The following RGS6 variants were observed in gnomAD, a reference collection of about 807,000 sequenced individuals.
RGS6 encodes regulator of G-protein signaling 6.
A neutral mutation model predicts 78.5 loss-of-function variants in RGS6; 30 were observed. The observed-to-expected ratio is 0.38, with a 90% CI of 0.29 to 0.52. The LOEUF is 0.52. RGS6 is among the 20% of genes least tolerant of loss of function. The pLI, the probability that RGS6 is intolerant of heterozygous loss-of-function variation, is 0.85. For synonymous variants in RGS6, 206 were observed against 206.0 expected, an observed-to-expected ratio of 1.00 and a Z score of 0.00; for missense variants, 495 against 609.7, an observed-to-expected ratio of 0.81 and a Z score of 1.98.
chr14:72,032,941 T>C (rs543900375), intron 2 of RGS6, among the ~76,000 whole-genome samples: 2 of 152,318 alleles, frequency 1.3e-5, no homozygotes, highest in African/African-American at 4.8e-5. Context: ...TCTTCATGAT[T>C]CTATTTTTGA....
At chr14:72,482,808 T>C (rs1012790663) in intron 12 of RGS6, among the ~76,000 whole-genome samples, 1 of 152,330 alleles carries the variant, frequency 6.6e-6, no homozygotes, top group South Asian at 2.1e-4. Context: ...AACAAGTCAC[T>C]AAGCTGGACT....
At chr14:71,952,904 C>T (rs2092459810) in intron 1 of RGS6, among the ~76,000 whole-genome samples, 1 of 152,260 alleles carries the variant, frequency 6.6e-6, no homozygotes, top group African/African-American at 2.4e-5. Flanking sequence ...TGCTTTTCTT[C>T]TTAGGTCCCC....
intron 2 of RGS6, among the ~76,000 whole-genome samples, chr14:72,021,936 C>T (rs377756005): frequency 6.7e-6 from 1 of 148,862 alleles, no homozygotes; most frequent in South Asian, 2.1e-4. Flanking sequence ...CTGCCACCCC[C>T]ACCCTCAAGT....
the RGS6 span, among the ~76,000 whole-genome samples, chr14:71,925,478 C>G: frequency 2.0e-5 from 3 of 152,124 alleles, no homozygotes; most frequent in African/African-American, 7.2e-5. Context: ...ACTTATCGCT[C>G]AGGCCAATGT....
chr14:72,419,859 A>C (rs115555953), intron 3 of RGS6, among the ~76,000 whole-genome samples: 96 of 152,322 alleles, frequency 6.3e-4, no homozygotes, highest in African/African-American at 2.3e-3. Context: ...GTAGGAATTT[A>C]AAAACATAGA....
intron 2 of RGS6, among the ~76,000 whole-genome samples, chr14:72,045,000 A>G (rs1006261697): frequency 4.6e-5 from 7 of 152,212 alleles, no homozygotes; most frequent in African/African-American, 1.7e-4. Context: ...TGAGAGTTAC[A>G]TTGTTGGCTC....
chr14:72,127,331 G>C (rs1232745275), intron 2 of RGS6, among the ~76,000 whole-genome samples: 2 of 152,188 alleles, frequency 1.3e-5, no homozygotes, highest in Non-Finnish European at 2.9e-5. Flanking sequence ...ATGTAAAGGA[G>C]CACTTTGTTT....
rs374016351 is a variant in RGS6, at chr14:72,397,226, T to G, written c.184+45032T>G. On this transcript the variant is annotated intron_variant, in intron 3 of 17. Coordinates refer to ENST00000553525, the MANE Select transcript of RGS6 (RefSeq NM_001204424.2). ...CATTTGTATCCTCTTTTATTTCATTTAGTAGTGGTTTGTAGTTCTCCTTGG... is the reference window on the plus strand; with the variant it reads ...CATTTGTATCCTCTTTTATTTCATTGAGTAGTGGTTTGTAGTTCTCCTTGG... Among the ~76,000 whole-genome samples the G allele has an allele frequency of 3.3e-4, 51 of 152,322 alleles. No homozygotes were observed. The East Asian group carries it at 6.6e-3, about 20-fold the overall frequency.
At chr14:72,463,249 G>A (rs908496055) in intron 6 of RGS6, among the ~76,000 whole-genome samples, 2 of 152,198 alleles carry the variant, frequency 1.3e-5, no homozygotes, top group African/African-American at 2.4e-5. Flanking sequence ...ACCAATATCT[G>A]AGCTTAAGAC....
Position 72,550,542 on chromosome 14 carries a change from A to G in RGS6, c.1422+10448A>G, listed in dbSNP as rs1241490763. The G allele has an allele frequency of 3.9e-6, 6 of 1,535,596 alleles. No homozygotes were observed. The Admixed American group carries it at 9.8e-5, about 25-fold the overall frequency. ...GGGAAATGGAGATGGAGCATCCAAG[A>G]CAACACTTAACCCAACCTTGTAATC... On this transcript the variant is annotated intron_variant, in intron 17 of 17. Transcript: ENST00000553525.
In RGS6 at chr14:71,942,465, A is replaced by T. The variant is rs796769401; in HGVS notation, c.-21+9524A>T. Among the ~76,000 whole-genome samples the T allele has an allele frequency of 2.0e-5, 3 of 151,990 alleles. No homozygotes were observed. The South Asian group carries it at 6.3e-4, about 32-fold the overall frequency. On this transcript the variant is annotated intron_variant, in intron 1 of 17. Coordinates refer to ENST00000553525, the MANE Select transcript of RGS6 (RefSeq NM_001204424.2). ...CCCCCATCCCTCCCACCAAGAAAAA[A>T]GGCTCATTAGAACTCTACCACCATT...
At chr14:72,248,190 T>A (rs1317461268) in intron 2 of RGS6, among the ~76,000 whole-genome samples, 1 of 152,192 alleles carries the variant, frequency 6.6e-6, no homozygotes, top group East Asian at 1.9e-4. Context: ...ATTATTTGCC[T>A]TTTTCTCTCT....
chr14:72,002,355 CT>C (rs1267068319), intron 2 of RGS6, among the ~76,000 whole-genome samples: 1 of 152,178 alleles, frequency 6.6e-6, no homozygotes, highest in Admixed American at 6.5e-5. Context: ...GATTTTCCAG[CT>C]GCAGATTTAT....
intron 2 of RGS6, among the ~76,000 whole-genome samples, chr14:72,041,048 C>T (rs569685504): frequency 3.5e-4 from 53 of 152,220 alleles, no homozygotes; most frequent in African/African-American, 1.2e-3. Context: ...TATTTTGAAT[C>T]CTTTGTCAGG....
intron 11 of RGS6, 60 bp downstream of exon 11, chr14:72,476,900 C>A: frequency 7.0e-7 from 1 of 1,421,864 alleles, no homozygotes; most frequent in Non-Finnish European, 9.9e-7. Context: ...AAAACCCTTT[C>A]AAATGTTCAA....
At chr14:72,006,372 A>C (rs2084559497) in intron 2 of RGS6, among the ~76,000 whole-genome samples, 1 of 152,188 alleles carries the variant, frequency 6.6e-6, no homozygotes. Context: ...CCCCTGACAA[A>C]TAGATGATGA....
chr14:72,145,537 G>A (rs1451239444), intron 2 of RGS6, among the ~76,000 whole-genome samples: 1 of 152,192 alleles, frequency 6.6e-6, no homozygotes, highest in African/African-American at 2.4e-5. Context: ...GGAGCGTACT[G>A]GTTCCATCTC....
intron 2 of RGS6, among the ~76,000 whole-genome samples, chr14:72,269,166 C>T (rs2059536759): frequency 6.6e-6 from 1 of 152,018 alleles, no homozygotes; most frequent in African/African-American, 2.4e-5. Flanking sequence ...TCCAAGCCTC[C>T]ATCATCTCTC....
chr14:72,074,640 C>A (rs1413970724), intron 2 of RGS6, among the ~76,000 whole-genome samples: 1 of 151,954 alleles, frequency 6.6e-6, no homozygotes, highest in Non-Finnish European at 1.5e-5. Flanking sequence ...CAGTGTAGAG[C>A]CTGTTTTTCC....
Sources: allele counts gnomAD v4.1 joint callset (sites outside exome capture counted in the v4.1 genomes callset), GRCh38; gene constraint gnomAD v4.1.1; transcripts MANE v1.5; gene names NCBI Gene and HGNC (gene_info 2026-07-23, HGNC 2026-07-21).